Variants in FRMD4A observed in about 807,000 individuals in gnomAD.
FRMD4A encodes the protein FERM domain-containing protein 4A.
Under a neutral mutation model 129.1 loss-of-function variants are expected in FRMD4A, and 29 were observed. The ratio of observed to expected loss-of-function variants is 0.22; its 90% CI spans 0.17 to 0.31. The LOEUF (loss-of-function observed/expected upper bound fraction) is 0.31. FRMD4A is among the 10% of genes least tolerant of loss of function. FRMD4A has a pLI of 1.00. For synonymous variants in FRMD4A, 634 were observed against 571.6 expected (o/e 1.11, Z -1.56); for missense variants, 1,272 against 1,375.8 (o/e 0.92, Z 1.19).
rs920571066 is a variant in FRMD4A at position 13,874,239 on chromosome 10, C to G, written c.46-15327G>C. ...CCAGCCTGGGTGACAGAGTGAGACA[C>G]TGTCTCAAAAAAAAAAAAAAAAAAA... On this transcript the variant is annotated intron_variant, in intron 2 of 24. Coordinates refer to ENST00000357447, the MANE Select transcript of FRMD4A (RefSeq NM_018027.5). 4.0e-5 allele frequency among the ~76,000 whole-genome samples: 3 copies of G among 75,502 alleles called. No individual in the cohort carries two copies. In the Admixed American group the frequency reaches 5.9e-4, roughly 15 times the overall value. 49.5% of individuals were successfully genotyped at this position (75,502 alleles called of 152,430 possible).
chr10:14,101,386 C>T (rs1837291802), intron 2 of FRMD4A, among the ~76,000 whole-genome samples: 1 of 152,136 alleles, frequency 6.6e-6, no homozygotes, highest in South Asian at 2.1e-4. Flanking sequence ...CGGGGTTAGT[C>T]TTACGAGTAG....
chr10:13,868,195 A>C (rs991961346), intron 2 of FRMD4A, among the ~76,000 whole-genome samples: 1 of 151,766 alleles, frequency 6.6e-6, no homozygotes, highest in Non-Finnish European at 1.5e-5. Flanking sequence ...TAAAGGCCAA[A>C]GGTTGATTGT....
At chr10:13,700,845 T>A (rs1275735943) in intron 14 of FRMD4A, among the ~76,000 whole-genome samples, 1 of 76,582 alleles carries the variant, frequency 1.3e-5, no homozygotes, top group Non-Finnish European at 2.6e-5. Flanking sequence ...TTTTTTTTTT[T>A]AACGTTTCCA....
At chr10:14,297,266 A>C (rs796177917) in intron 2 of FRMD4A, among the ~76,000 whole-genome samples, 21 of 152,296 alleles carry the variant, frequency 1.4e-4, no homozygotes, top group African/African-American at 4.8e-4. Flanking sequence ...CATGACAGTC[A>C]GGTCATTACA....
intron 2 of FRMD4A, chr10:13,891,762 C>G: frequency 2.0e-6 from 2 of 982,208 alleles, no homozygotes; most frequent in Non-Finnish European, 2.4e-6. Flanking sequence ...TGGCGAGCCC[C>G]CGCCCCGTCC....
intron 3 of FRMD4A, among the ~76,000 whole-genome samples, chr10:13,815,466 A>G (rs1177484519): frequency 6.6e-6 from 1 of 152,166 alleles, no homozygotes; most frequent in African/African-American, 2.4e-5. Flanking sequence ...AAAGTGTTGG[A>G]AATATTAGTG....
At position 13,856,625 on chromosome 10, in the gene FRMD4A, C is replaced by T. The variant is rs140897452; in HGVS notation, c.111+2222G>A. 4.4e-3 allele frequency among the ~76,000 whole-genome samples: 675 copies of T among 152,072 alleles called. 3 individuals carry two copies. Among genetic ancestry groups the T allele is most frequent in the African/African-American group, 0.015 (619 of 41,484 alleles). On this transcript the variant is annotated intron_variant, in intron 3 of 24. Coordinates refer to ENST00000357447, the MANE Select transcript of FRMD4A (RefSeq NM_018027.5). ...AGAGAGACCAGCCAGGTCCAGGGCG[C>T]GGGGGTGTGGGAAGGAGCGTGTTCT...
chr10:13,654,302 C>T, intron 23 of FRMD4A, 114 bp downstream of exon 23: 1 of 774,136 alleles, frequency 1.3e-6, no homozygotes, highest in Non-Finnish European at 2.3e-6. Context: ...AAGACACCTC[C>T]CAGTGATGAA....
At chr10:13,923,522 C>T (rs557545728) in intron 2 of FRMD4A, among the ~76,000 whole-genome samples, 28 of 152,302 alleles carry the variant, frequency 1.8e-4, no homozygotes, top group African/African-American at 6.7e-4. Context: ...GGTATGTTAG[C>T]ACAGCATCAT....
chr10:14,019,949 G>A (rs1264182844), intron 2 of FRMD4A, among the ~76,000 whole-genome samples: 1 of 152,202 alleles, frequency 6.6e-6, no homozygotes, highest in African/African-American at 2.4e-5. Flanking sequence ...TGGACCTGCT[G>A]TTGGAATGGC....
chr10:13,883,316 C>G (rs982922206), intron 2 of FRMD4A, among the ~76,000 whole-genome samples: 4 of 151,916 alleles, frequency 2.6e-5, no homozygotes, highest in African/African-American at 9.7e-5. Flanking sequence ...ATGCTGAAAC[C>G]CCGTCTCTAC....
At chr10:13,755,239 C>A (rs12248991) in intron 8 of FRMD4A, among the ~76,000 whole-genome samples, 3,290 of 152,280 alleles carry the variant, frequency 0.022, 121 homozygotes, top group African/African-American at 0.075. Context: ...TAGCCTGTGA[C>A]TTCCCAAAAG....
chr10:14,286,017 G>A (rs762655899), intron 2 of FRMD4A, among the ~76,000 whole-genome samples: 23 of 152,212 alleles, frequency 1.5e-4, no homozygotes, highest in Non-Finnish European at 2.9e-4. Flanking sequence ...GAGTTCCCAA[G>A]ATATCACAGC....
At chr10:13,781,332 A>G in intron 6 of FRMD4A, among the ~76,000 whole-genome samples, 1 of 132,722 alleles carries the variant, frequency 7.5e-6, no homozygotes, top group African/African-American at 2.7e-5. Context: ...AAAAAAAAGG[A>G]AGGAAATTCT....
At position 13,685,069 on chromosome 10, in the gene FRMD4A, GA is replaced by G. The variant is rs2084949779; in HGVS notation, c.1117+8828del. On this transcript the variant is annotated intron_variant, in intron 15 of 24. Transcript: ENST00000357447. The stretch of plus-strand genomic sequence containing the variant: ...TAAAAGATGTCCCAGGAGACCACGG[GA>G]AATAATGCCACATTGCAGACTGCAG... 3 of 984,876 alleles carry G rather than the reference GA, an allele frequency of 3.0e-6. No homozygotes were observed. In the South Asian group the frequency reaches 1.4e-4, roughly 46 times the overall value. The allele number at this position is 984,876 out of a possible 1,614,324, so 61.0% of individuals were successfully genotyped here.
intron 2 of FRMD4A, among the ~76,000 whole-genome samples, chr10:14,114,046 G>T (rs1394416946): frequency 3.3e-5 from 5 of 152,182 alleles, no homozygotes; most frequent in African/African-American, 1.2e-4. Context: ...TGCCTTCAAA[G>T]GCTCAAGCAC....
intron 2 of FRMD4A, among the ~76,000 whole-genome samples, chr10:14,149,168 G>C (rs2131852476): frequency 6.6e-6 from 1 of 152,166 alleles, no homozygotes; most frequent in African/African-American, 2.4e-5. Context: ...TGTTTTTATA[G>C]AAAACCCATG....
chr10:13,935,446 C>CAAAAAA lies in FRMD4A; in HGVS notation c.46-76540_46-76535dup, dbSNP rs71388135. ...GTGTGACAAGAGTGCAACTCCATCT[C>CAAAAAA]AAAAAAAAAAAAAAAAAAAAAAAAA... On this transcript the variant is annotated intron_variant, in intron 2 of 24. Transcript: ENST00000357447. Among the ~76,000 whole-genome samples the CAAAAAA allele has an allele frequency of 3.6e-4, 13 of 36,420 alleles. 1 individual carries two copies. Among genetic ancestry groups the CAAAAAA allele is most frequent in the African/African-American group, 1.4e-3 (12 of 8,474 alleles). The allele number at this position is 36,420 out of a possible 152,430, so 23.9% of individuals were successfully genotyped here. A position where few individuals can be genotyped will look rare whatever the true frequency, so the allele number is the denominator to read the frequency against.
chr10:13,975,120 T>G (rs1565146115), intron 2 of FRMD4A, among the ~76,000 whole-genome samples: 1 of 151,680 alleles, frequency 6.6e-6, no homozygotes, highest in Non-Finnish European at 1.5e-5. Context: ...GCTCTGTGAG[T>G]CTCTATGTAT....
Sources: gnomAD v4.1 joint callset for allele counts (sites outside exome capture counted in the v4.1 genomes callset) on GRCh38, gnomAD v4.1.1 for gene constraint, MANE v1.5 for transcripts, NCBI Gene and HGNC (gene_info 2026-07-23, HGNC 2026-07-21) for gene names.